HNRNPF: variants seen among roughly 807,000 people sequenced by gnomAD.
HNRNPF encodes the protein heterogeneous nuclear ribonucleoprotein F.
HNRNPF carries 2 observed loss-of-function variants against 26.0 expected under a neutral mutation model. The ratio of observed to expected loss-of-function variants is 0.08; its 90% CI spans 0.03 to 0.24. The LOEUF (loss-of-function observed/expected upper bound fraction) is 0.24. Among genes scored for constraint, HNRNPF ranks in the 10% least tolerant of loss-of-function variants. HNRNPF has a pLI of 1.00. For synonymous variants in HNRNPF, 234 were observed against 211.5 expected (o/e 1.11, Z -0.92); for missense variants, 299 against 539.2 (o/e 0.55, Z 4.41).
intron 3 of HNRNPF, among the ~76,000 whole-genome samples, chr10:43,390,500 A>G (rs2131964863): frequency 6.6e-6 from 1 of 152,122 alleles, no homozygotes; most frequent in Middle Eastern, 3.4e-3. Context: ...AACCCCACCT[A>G]ATCACATCCT....
chr10:43,407,435 G>C (rs1838959549), intron 1 of HNRNPF, among the ~76,000 whole-genome samples: 1 of 152,104 alleles, frequency 6.6e-6, no homozygotes, highest in Admixed American at 6.5e-5. Context: ...GAGCCGAGCG[G>C]GGGTCCCAGG....
chr10:43,400,553 T>C (rs1451492976), intron 1 of HNRNPF, among the ~76,000 whole-genome samples: 2 of 152,176 alleles, frequency 1.3e-5, no homozygotes, highest in African/African-American at 4.8e-5. Flanking sequence ...GAAAATTGGG[T>C]TTAATGGCCT....
intron 1 of HNRNPF, chr10:43,407,683 A>G (rs1164848187): frequency 6.6e-6 from 1 of 152,140 alleles, no homozygotes; most frequent in Non-Finnish European, 1.5e-5. Context: ...AGCGCGCACG[A>G]GTCAGATTTT....
At chr10:43,406,968 T>C (rs937150234) in intron 1 of HNRNPF, among the ~76,000 whole-genome samples, 1 of 152,196 alleles carries the variant, frequency 6.6e-6, no homozygotes. Flanking sequence ...ACGAGTCACT[T>C]TGCAGGAATA....
chr10:43,407,762 G>A (rs966962108), intron 1 of HNRNPF: 1 of 152,378 alleles, frequency 6.6e-6, no homozygotes, highest in Non-Finnish European at 1.5e-5. Context: ...CCGAGGACAC[G>A]CGGCGCAGCC....
Position 43,386,968 on chromosome 10 carries a change from T to C in HNRNPF, c.917A>G (p.Tyr306Cys). ...AGGGTTGAGAGGAGAGAAGAAGTTG[T>C]AAATGTCGTTCTCGGTCGCTTTGTA... Reference protein sequence around the residue: ...LPYKATENDIYNFFSPLNPVR... With the variant: ...LPYKATENDICNFFSPLNPVR... The change falls in exon 4 of 4, where the codon TAC becomes TGC. Residue 306 changes from tyrosine to cysteine, a missense_variant. By Grantham distance (194) the Tyr-to-Cys change is radical. Coordinates refer to ENST00000682386, the MANE Select transcript of HNRNPF (RefSeq NM_001098204.2). 6.2e-7 allele frequency: 1 copy of C among 1,614,188 alleles called. No individual in the cohort carries two copies. The highest frequency in any genetic ancestry group is 8.5e-7 in the Non-Finnish European group (1 of 1,180,024).
intron 1 of HNRNPF, among the ~76,000 whole-genome samples, chr10:43,402,549 A>G (rs117987508): frequency 0.02 from 2,975 of 152,314 alleles, 49 homozygotes; most frequent in Non-Finnish European, 0.029. Flanking sequence ...ACTAGTCTGT[A>G]TTACTTTGCA....
chr10:43,396,321 C>T (rs748646610), intron 2 of HNRNPF, 135 bp downstream of exon 2: 1 of 152,364 alleles, frequency 6.6e-6, no homozygotes, highest in Non-Finnish European at 1.5e-5. Flanking sequence ...TCCCGTGCCC[C>T]CGGGAAACCG....
intron 1 of HNRNPF, among the ~76,000 whole-genome samples, chr10:43,406,822 A>C (rs1838933864): frequency 6.6e-6 from 1 of 152,120 alleles, no homozygotes; most frequent in African/African-American, 2.4e-5. Flanking sequence ...TAATGACTCT[A>C]ATCTACAGAA....
intron 1 of HNRNPF, among the ~76,000 whole-genome samples, chr10:43,406,793 A>G (rs1269462321): frequency 6.6e-6 from 1 of 151,992 alleles, no homozygotes; most frequent in Non-Finnish European, 1.5e-5. Flanking sequence ...TACAGGCGTG[A>G]GCCACCTCGC....
At chr10:43,399,434 G>A (rs934439562) in intron 1 of HNRNPF, among the ~76,000 whole-genome samples, 1 of 152,146 alleles carries the variant, frequency 6.6e-6, no homozygotes, top group Non-Finnish European at 1.5e-5. Context: ...CTGCCTGTGA[G>A]GGAACAATGT....
chr10:43,391,104 C>T (rs1294033184), intron 3 of HNRNPF, among the ~76,000 whole-genome samples: 1 of 152,012 alleles, frequency 6.6e-6, no homozygotes, highest in Non-Finnish European at 1.5e-5. Flanking sequence ...TCATGAGTTC[C>T]AATAGACAAA....
intron 1 of HNRNPF, among the ~76,000 whole-genome samples, chr10:43,399,392 G>C (rs1344315711): frequency 6.6e-6 from 1 of 152,168 alleles, no homozygotes; most frequent in African/African-American, 2.4e-5. Context: ...CCCAAGGCAA[G>C]TTTTAATTAT....
At chr10:43,391,433 G>A (rs1008587009) in intron 3 of HNRNPF, among the ~76,000 whole-genome samples, 1 of 151,744 alleles carries the variant, frequency 6.6e-6, no homozygotes, top group East Asian at 1.9e-4. Context: ...ACTCCAGCCC[G>A]GGTGACGGAG....
At chr10:43,405,378 C>A (rs570610758) in intron 1 of HNRNPF, among the ~76,000 whole-genome samples, 4 of 152,216 alleles carry the variant, frequency 2.6e-5, no homozygotes, top group Admixed American at 2.6e-4. Context: ...TAATACATGC[C>A]GGGCGCGGTG....
At chr10:43,403,841 A>C (rs1838828477) in intron 1 of HNRNPF, among the ~76,000 whole-genome samples, 1 of 151,614 alleles carries the variant, frequency 6.6e-6, no homozygotes, top group South Asian at 2.1e-4. Context: ...AAAAATACAA[A>C]AAAAAATAGC....
intron 1 of HNRNPF, among the ~76,000 whole-genome samples, chr10:43,408,195 C>A (rs1257519170): frequency 6.6e-6 from 1 of 152,198 alleles, no homozygotes. Context: ...TGCGCCAGGC[C>A]TGTTCTCACT....
intron 1 of HNRNPF, among the ~76,000 whole-genome samples, chr10:43,405,871 C>A (rs1838900680): frequency 6.6e-6 from 1 of 152,046 alleles, no homozygotes; most frequent in Admixed American, 6.6e-5. Context: ...CCTCTGCCCA[C>A]CCTGTTGCCC....
chr10:43,401,410 T>A (rs1318164873), intron 1 of HNRNPF, among the ~76,000 whole-genome samples: 5 of 152,224 alleles, frequency 3.3e-5, no homozygotes, highest in African/African-American at 9.6e-5. Flanking sequence ...TGACCGATCA[T>A]AAAACAAGCA....
Sources: gnomAD v4.1 joint callset for allele counts (sites outside exome capture counted in the v4.1 genomes callset) on GRCh38, gnomAD v4.1.1 for gene constraint, MANE v1.5 for transcripts, NCBI Gene and HGNC (gene_info 2026-07-23, HGNC 2026-07-21) for gene names.